The following BCL11A variants were observed in gnomAD, a reference collection of about 807,000 sequenced individuals.
BCL11A encodes the protein BCL11 transcription factor A.
A neutral mutation model predicts 55.9 loss-of-function variants in BCL11A; 2 were observed. The observed-to-expected ratio is 0.04, with a 90% CI of 0.01 to 0.11. BCL11A has a LOEUF of 0.11. Among genes scored for constraint, BCL11A ranks in the 10% least tolerant of loss-of-function variants. The pLI is 1.00. For synonymous variants in BCL11A, 465 were observed against 473.4 expected, an observed-to-expected ratio of 0.98 and a Z score of 0.23; for missense variants, 817 against 1,137.1, an observed-to-expected ratio of 0.72 and a Z score of 4.05.
intron 2 of BCL11A, chr2:60,537,623 A>G (rs555110705): frequency 5.9e-5 from 9 of 152,382 alleles, no homozygotes; most frequent in African/African-American, 2.2e-4. Context: ...GTGCTCCAAC[A>G]TAAGAATCCA....
chr2:60,503,153 A>C (rs1426648268), intron 2 of BCL11A, among the ~76,000 whole-genome samples: 2 of 152,140 alleles, frequency 1.3e-5, no homozygotes, highest in Non-Finnish European at 2.9e-5. Flanking sequence ...GAATGAGTCC[A>C]CCTTCTCTAA....
At chr2:60,553,707 G>A (rs760586261), upstream of BCL11A, 2 of 184,908 alleles carry the variant, frequency 1.1e-5, no homozygotes, top group Non-Finnish European at 2.1e-5. Flanking sequence ...GGAAGGGGAA[G>A]CTCACACCAA....
At chr2:60,501,505 CTT>C (rs11366853) in intron 2 of BCL11A, among the ~76,000 whole-genome samples, 5,058 of 119,626 alleles carry the variant, frequency 0.042, 207 homozygotes, top group African/African-American at 0.15. Flanking sequence ...ACACCGCTTT[CTT>C]TTTTTTTTTT....
chr2:60,548,435 A>G (rs1431337122), intron 1 of BCL11A, among the ~76,000 whole-genome samples: 1 of 151,858 alleles, frequency 6.6e-6, no homozygotes, highest in Admixed American at 6.6e-5. Context: ...AGTTAAAGGT[A>G]ATGTGGTTCA....
In BCL11A at chr2:60,461,327, A is replaced by G; in HGVS notation, c.1585T>C (p.Ser529Pro). ...CCCACGCCCACGACCGCGCCCCGCG[A>G]GCTGTTCTCGTGGTGGCGCGCCGCC... ...LEAARHHENSSRGAVVGVGDE... is the reference protein window; with the variant it reads ...LEAARHHENSPRGAVVGVGDE... Residue 529 changes from serine (S) to proline (P), a missense_variant, in exon 4 of 4, where the codon TCG becomes CCG. By Grantham distance (74) the Ser-to-Pro change is moderately conservative. Transcript: ENST00000642384. 1 of 1,597,362 alleles carries G rather than the reference A, an allele frequency of 6.3e-7. No homozygotes were observed.
intron 2 of BCL11A, among the ~76,000 whole-genome samples, chr2:60,500,765 G>C (rs1679235745): frequency 6.6e-6 from 1 of 152,176 alleles, no homozygotes; most frequent in Non-Finnish European, 1.5e-5. Context: ...TGAACACTCA[G>C]GCTCCCAAGT....
chr2:60,501,642 G>A (rs1278619213), intron 2 of BCL11A, among the ~76,000 whole-genome samples: 1 of 151,622 alleles, frequency 6.6e-6, no homozygotes, highest in African/African-American at 2.4e-5. Context: ...GAGTAGCTGG[G>A]ATTACAGGCA....
At chr2:60,493,549 C>T (rs534750451) in intron 2 of BCL11A, among the ~76,000 whole-genome samples, 6 of 152,184 alleles carry the variant, frequency 3.9e-5, no homozygotes, top group African/African-American at 1.2e-4. Context: ...GAAGAGACCC[C>T]AAAACATTCT....
chr2:60,542,412 G>A (rs1405145627), intron 2 of BCL11A: 1 of 151,712 alleles, frequency 6.6e-6, no homozygotes, highest in African/African-American at 2.4e-5. Context: ...TAAAATATGA[G>A]ACTAAAAAAA....
chr2:60,489,104 T>A (rs1240728217), intron 2 of BCL11A, among the ~76,000 whole-genome samples: 1 of 152,126 alleles, frequency 6.6e-6, no homozygotes, highest in East Asian at 1.9e-4. Flanking sequence ...ATGCTGTGTG[T>A]CCTAAATAAT....
At chr2:60,516,758 C>A (rs1158911139) in intron 2 of BCL11A, among the ~76,000 whole-genome samples, 3 of 152,200 alleles carry the variant, frequency 2.0e-5, no homozygotes, top group Non-Finnish European at 4.4e-5. Context: ...CAATGAAGCA[C>A]TGGTTTTTAA....
chr2:60,521,280 A>G (rs561865632), intron 2 of BCL11A, among the ~76,000 whole-genome samples: 1 of 152,256 alleles, frequency 6.6e-6, no homozygotes, highest in Non-Finnish European at 1.5e-5. Flanking sequence ...CCACTCTCAG[A>G]TAACTGAGTG....
chr2:60,463,244 G>C (rs958181747), intron 3 of BCL11A, among the ~76,000 whole-genome samples: 2 of 152,190 alleles, frequency 1.3e-5, no homozygotes, highest in African/African-American at 2.4e-5. Flanking sequence ...GTTGTCCCCC[G>C]GTCAGACAAA....
chr2:60,508,633 G>C (rs1274708381), intron 2 of BCL11A: 2 of 152,282 alleles, frequency 1.3e-5, no homozygotes, highest in Admixed American at 6.5e-5. Flanking sequence ...ACTGGCCAAA[G>C]AGAAGCGTTG....
At chr2:60,521,505 G>A (rs1425928860) in intron 2 of BCL11A, among the ~76,000 whole-genome samples, 1 of 152,190 alleles carries the variant, frequency 6.6e-6, no homozygotes, top group Non-Finnish European at 1.5e-5. Context: ...TAGCTTTCAA[G>A]TCACACAGCG....
intron 1 of BCL11A, 95 bp downstream of exon 1, chr2:60,553,121 A>G: frequency 7.6e-7 from 1 of 1,307,568 alleles, no homozygotes; most frequent in Non-Finnish European, 1.0e-6. Flanking sequence ...TTAAAAATGC[A>G]TGCACACACC....
intron 2 of BCL11A, among the ~76,000 whole-genome samples, chr2:60,495,414 C>G (rs1304043889): frequency 1.3e-5 from 2 of 152,230 alleles, no homozygotes; most frequent in African/African-American, 4.8e-5. Context: ...TCTGCTCTTA[C>G]TTATGCACAC....
chr2:60,486,113 G>T (rs1678262306), intron 2 of BCL11A, among the ~76,000 whole-genome samples: 1 of 152,170 alleles, frequency 6.6e-6, no homozygotes, highest in African/African-American at 2.4e-5. Flanking sequence ...AGAGAACTGT[G>T]ACAAGCTGTT....
intron 2 of BCL11A, among the ~76,000 whole-genome samples, chr2:60,495,942 G>C (rs1678920756): frequency 7.0e-6 from 1 of 143,290 alleles, no homozygotes; most frequent in Admixed American, 7.3e-5. Context: ...AATTACAAGG[G>C]TGTTTTCACT....
Sources: gnomAD v4.1 joint callset for allele counts (sites outside exome capture counted in the v4.1 genomes callset) on GRCh38, gnomAD v4.1.1 for gene constraint, MANE v1.5 for transcripts, NCBI Gene and HGNC (gene_info 2026-07-23, HGNC 2026-07-21) for gene names.